The following CEMIP variants were observed in gnomAD, a reference collection of about 807,000 sequenced individuals.
CEMIP encodes cell migration inducing hyaluronidase 1.
In CEMIP, 105 loss-of-function variants were observed where a neutral mutation model predicts 156.9. That is an observed-to-expected ratio of 0.67 (90% CI 0.57 to 0.79). CEMIP has a LOEUF of 0.79. Ranked by LOEUF, CEMIP falls within the 30% of genes least tolerant of loss-of-function variation. CEMIP has a pLI of 0.00. For missense variants in CEMIP, 1,457 were observed against 1,769.4 expected (o/e 0.82, Z 3.17); for synonymous variants, 676 against 668.4 (o/e 1.01, Z -0.17).
At chr15:80,810,313 G>A (rs1447937866) in intron 1 of CEMIP, among the ~76,000 whole-genome samples, 2 of 152,106 alleles carry the variant, frequency 1.3e-5, no homozygotes, top group African/African-American at 2.4e-5. Flanking sequence ...GTAAGATTTA[G>A]ACTCTCCTGA....
chr15:80,902,494 C>G (rs1322960250), intron 12 of CEMIP, among the ~76,000 whole-genome samples: 3 of 152,170 alleles, frequency 2.0e-5, no homozygotes, highest in Non-Finnish European at 4.4e-5. Flanking sequence ...TCTCGGATAG[C>G]AGCCTGGGAG....
rs78281291 is a variant in CEMIP, at chr15:80,945,286, G to C, written c.3858-1679G>C. Among the ~76,000 whole-genome samples, 1,257 of 152,324 alleles carry C rather than the reference G, an allele frequency of 8.3e-3. 19 individuals are homozygous for C. The highest frequency in any genetic ancestry group is 0.029 in the African/African-American group (1,202 of 41,558). Reference sequence around the variant, plus strand: ...GTAGGCAGGCTTCTGGGCATCAGTGGGAAGGGGTGGGGACACAAGAAGCCC... The same window carrying C: ...GTAGGCAGGCTTCTGGGCATCAGTGCGAAGGGGTGGGGACACAAGAAGCCC... On this transcript the variant is annotated intron_variant, in intron 28 of 29. Transcript: ENST00000394685.
Position 80,779,510 on chromosome 15 carries a change from C to T in CEMIP, c.-280C>T, listed in dbSNP as rs776860935. On this transcript the variant is annotated 5_prime_UTR_variant, in exon 1 of 30. Coordinates refer to ENST00000394685, the MANE Select transcript of CEMIP (RefSeq NM_001293298.2). ...CAGACTAGCTACCACTCCGCTTGCC[C>T]ACGCCCCGGGAGCTCGCGGCGCCTG... 5 of 152,128 alleles carry T rather than the reference C, an allele frequency of 3.3e-5. No individual in the cohort carries two copies. The highest frequency in any genetic ancestry group is 4.4e-5 in the Non-Finnish European group (3 of 68,034). The allele number at this position is 152,128 out of a possible 1,614,324, so 9.4% of individuals were successfully genotyped here.
At chr15:80,874,050 G>A in intron 3 of CEMIP, 77 bp downstream of exon 3, 1 of 1,367,064 alleles carries the variant, frequency 7.3e-7, no homozygotes, top group African/African-American at 1.4e-5. Context: ...GGCTGCTTTT[G>A]GGGGAGCCAG....
Position 80,909,173 on chromosome 15 carries a change from AC to A in CEMIP, c.1667del (p.Pro556ArgfsTer10). 2 of 1,614,060 alleles carry A rather than the reference AC, an allele frequency of 1.2e-6. No homozygotes were observed. Among genetic ancestry groups the A allele is most frequent in the Non-Finnish European group, 1.7e-6 (2 of 1,180,006 alleles). On this transcript the variant is annotated frameshift_variant, in exon 14 of 30. Coordinates refer to ENST00000394685, the MANE Select transcript of CEMIP (RefSeq NM_001293298.2). LOFTEE classifies it high-confidence loss of function. The stretch of plus-strand genomic sequence containing the variant: ...ATGGGACAGCAGCTGGTGGGTCAGT[AC>A]CCGATTCACTTCCACCTGGCCGGTG... ...KHMGQQLVGQ[Y>X]PIHFHLAGDV...
At chr15:80,824,524 C>A (rs563486106) in intron 1 of CEMIP, among the ~76,000 whole-genome samples, 1 of 152,302 alleles carries the variant, frequency 6.6e-6, no homozygotes, top group East Asian at 1.9e-4. Flanking sequence ...CTGCTCCAGA[C>A]CCGCAGCCTC....
chr15:80,894,053 C>T (rs1899126494), intron 10 of CEMIP, among the ~76,000 whole-genome samples: 1 of 152,192 alleles, frequency 6.6e-6, no homozygotes, highest in Non-Finnish European at 1.5e-5. Flanking sequence ...CTAAATTCTC[C>T]ACCTGGCCTT....
At chr15:80,823,963 T>C (rs1270138997) in intron 1 of CEMIP, among the ~76,000 whole-genome samples, 1 of 152,162 alleles carries the variant, frequency 6.6e-6, no homozygotes, top group Non-Finnish European at 1.5e-5. Context: ...TAACCCCCAA[T>C]GTGCAGACTC....
At position 80,889,695 on chromosome 15, in the gene CEMIP, G is replaced by C. The variant is rs1377872184; in HGVS notation, c.1086+103G>C. The C allele has an allele frequency of 3.4e-6, 5 of 1,474,866 alleles. No individual in the cohort carries two copies. The African/African-American group carries it at 7.0e-5, about 21-fold the overall frequency. The allele number at this position is 1,474,866 out of a possible 1,614,324, so 91.4% of individuals were successfully genotyped here. A position where few individuals can be genotyped will look rare whatever the true frequency, so the allele number is the denominator to read the frequency against. On this transcript the variant is annotated intron_variant, in intron 10 of 29. Coordinates refer to ENST00000394685, the MANE Select transcript of CEMIP (RefSeq NM_001293298.2). ...TCACTTGGGTGCTGTGATTCTCGTT[G>C]CCCTCCTGTGAGGTAGGTCAGCCAA...
intron 14 of CEMIP, among the ~76,000 whole-genome samples, chr15:80,919,561 C>T (rs908079476): frequency 6.6e-6 from 1 of 152,268 alleles, no homozygotes; most frequent in African/African-American, 2.4e-5. Context: ...CACCTGTAAT[C>T]CCAGCACTTT....
At chr15:80,794,917 G>A (rs1173079415) in intron 1 of CEMIP, among the ~76,000 whole-genome samples, 1 of 152,224 alleles carries the variant, frequency 6.6e-6, no homozygotes, top group Non-Finnish European at 1.5e-5. Flanking sequence ...AGTGGGAGCA[G>A]GGAGAGAAAG....
intron 12 of CEMIP, among the ~76,000 whole-genome samples, chr15:80,899,515 C>T (rs1899378028): frequency 6.6e-6 from 1 of 152,108 alleles, no homozygotes; most frequent in Admixed American, 6.5e-5. Context: ...AGTGACTGAG[C>T]TGAGACAGAA....
At position 80,949,140 on chromosome 15, in the gene CEMIP, G is replaced by A. The variant is rs1901704622; in HGVS notation, c.*216G>A. 1.6e-6 allele frequency: 1 copy of A among 625,076 alleles called. No individual in the cohort carries two copies. The highest frequency in any genetic ancestry group is 1.8e-5 in the South Asian group (1 of 55,382). 38.7% of individuals were successfully genotyped at this position (625,076 alleles called of 1,614,324 possible). ...ACCTGGAGCCCCTGGGGCGGTGCTG[G>A]CCAATGCTGGAAACATTCACTTTCC... On this transcript the variant is annotated 3_prime_UTR_variant, in exon 30 of 30. Transcript: ENST00000394685.
At chr15:80,843,817 C>A (rs987946929) in intron 1 of CEMIP, among the ~76,000 whole-genome samples, 1 of 152,142 alleles carries the variant, frequency 6.6e-6, no homozygotes. Flanking sequence ...GCAGCCCACC[C>A]AGGTGTCAAA....
chr15:80,884,612 C>T (rs1898773399), intron 7 of CEMIP, among the ~76,000 whole-genome samples: 1 of 152,228 alleles, frequency 6.6e-6, no homozygotes, highest in Non-Finnish European at 1.5e-5. Flanking sequence ...TTCATTCAGT[C>T]GGCCACTTAC....
chr15:80,851,797 A>C (rs1169681858), intron 1 of CEMIP, among the ~76,000 whole-genome samples: 1 of 152,162 alleles, frequency 6.6e-6, no homozygotes, highest in Non-Finnish European at 1.5e-5. Flanking sequence ...GGTTGAGTAG[A>C]TATCTAGGGG....
chr15:80,924,534 C>G, intron 17 of CEMIP, 87 bp from the exon 18 acceptor site: 3 of 1,157,224 alleles, frequency 2.6e-6, no homozygotes, highest in Non-Finnish European at 3.9e-6. Context: ...CCGGAGCATT[C>G]AGAAGTATGC....
At chr15:80,867,073 G>T (rs556667855) in intron 1 of CEMIP, among the ~76,000 whole-genome samples, 3 of 152,080 alleles carry the variant, frequency 2.0e-5, no homozygotes, top group Admixed American at 2.0e-4. Context: ...TGTGGGCCTC[G>T]GTTTGCAAAT....
intron 12 of CEMIP, chr15:80,901,005 G>A (rs1899509726): frequency 2.2e-6 from 1 of 453,620 alleles, no homozygotes; most frequent in Admixed American, 2.4e-5. Flanking sequence ...TAATGAAAAT[G>A]CATGAATCAT....
Sources: allele counts gnomAD v4.1 joint callset (sites outside exome capture counted in the v4.1 genomes callset), GRCh38; gene constraint gnomAD v4.1.1; transcripts MANE v1.5; gene names NCBI Gene and HGNC (gene_info 2026-07-23, HGNC 2026-07-21).